Variants in MYZAP observed in about 807,000 individuals in gnomAD.
MYZAP encodes GRINL1A complex locus upstream.
A neutral mutation model predicts 69.4 loss-of-function variants in MYZAP; 66 were observed. That is an observed-to-expected ratio of 0.95 (90% CI 0.78 to 1.17). MYZAP has a LOEUF of 1.17. Ranked by LOEUF, MYZAP falls within the 50% of genes most tolerant of loss-of-function variation. The pLI is 0.00. For missense variants in MYZAP, 611 were observed against 556.2 expected (o/e 1.10, Z -0.99); for synonymous variants, 256 against 205.9 (o/e 1.24, Z -2.09).
At chr15:57,601,746 T>C (rs1325511941) in intron 1 of MYZAP, among the ~76,000 whole-genome samples, 10 of 151,946 alleles carry the variant, frequency 6.6e-5, no homozygotes, top group Admixed American at 6.6e-4. Flanking sequence ...AACCAAGTCA[T>C]GTGATTTAAA....
chr15:57,599,398 A>G (rs1291753396), intron 1 of MYZAP: 1 of 1,071,804 alleles, frequency 9.3e-7, no homozygotes, highest in African/African-American at 1.7e-5. Context: ...GTCCCTAAAA[A>G]TATTTCACAA....
intron 8 of MYZAP, among the ~76,000 whole-genome samples, chr15:57,637,437 G>A (rs1169949047): frequency 1.3e-5 from 2 of 152,166 alleles, no homozygotes; most frequent in African/African-American, 2.4e-5. Flanking sequence ...CACTGATCCT[G>A]GGCTGATGGA....
chr15:57,623,788 A>T (rs1394054276), intron 4 of MYZAP, among the ~76,000 whole-genome samples: 6 of 148,994 alleles, frequency 4.0e-5, no homozygotes, highest in African/African-American at 1.5e-4. Flanking sequence ...AATAGAATAT[A>T]TGCAGTTGTA....
rs2039050975 is a variant in MYZAP, at chr15:57,675,056, A to G, written c.1292A>G (p.Asp431Gly). 1.2e-6 allele frequency: 2 copies of G among 1,611,404 alleles called. No individual in the cohort carries two copies. The highest frequency in any genetic ancestry group is 1.7e-6 in the Non-Finnish European group (2 of 1,178,938). The change falls in exon 12 of 13, where the codon GAT becomes GGT. Residue 431 changes from aspartate (D) to glycine (G), a missense_variant. Asp to Gly is a moderately conservative substitution (Grantham distance 94). Transcript: ENST00000267853. ...VETREIGVGC[D>G]LLPSQTGRTR... is the part of the protein sequence containing the mutation. ...ACCAGAGAGATAGGAGTGGGCTGTG[A>G]TCTTCTACCCAGGTATTTAGGAATT...
chr15:57,657,992 A>G (rs1304326410), intron 10 of MYZAP, among the ~76,000 whole-genome samples: 1 of 152,132 alleles, frequency 6.6e-6, no homozygotes, highest in African/African-American at 2.4e-5. Flanking sequence ...GATGTCTTTA[A>G]CTATTATTAA....
At chr15:57,603,506 C>A (rs7183550) in intron 1 of MYZAP, among the ~76,000 whole-genome samples, 1 of 152,136 alleles carries the variant, frequency 6.6e-6, no homozygotes, top group Non-Finnish European at 1.5e-5. Context: ...ATCCTTACCC[C>A]CTGGTCACCA....
intron 11 of MYZAP, among the ~76,000 whole-genome samples, chr15:57,673,535 C>T (rs72745548): frequency 0.038 from 5,350 of 139,800 alleles, 117 homozygotes; most frequent in Admixed American, 0.054. Flanking sequence ...GATGACTCTC[C>T]GGGAATAAGC....
chr15:57,598,665 T>G (rs1242866630), intron 1 of MYZAP, among the ~76,000 whole-genome samples: 2 of 152,254 alleles, frequency 1.3e-5, no homozygotes, highest in African/African-American at 4.8e-5. Context: ...GAATGACTCC[T>G]CATTGTCTTC....
chr15:57,684,656 G>C lies in MYZAP; in HGVS notation c.*158G>C, dbSNP rs544711011. On this transcript the variant is annotated 3_prime_UTR_variant, in exon 13 of 13. Coordinates refer to ENST00000267853, the MANE Select transcript of MYZAP (RefSeq NM_001018100.5). ...ATCCACTTCTAAGACAGGAAGGAAA[G>C]TGAAGGCAGAGTGAGCAGGTAAGAG... is the stretch of plus-strand genomic sequence containing the variant. 5.0e-5 allele frequency: 30 copies of C among 604,128 alleles called. No homozygotes were observed. The highest frequency in any genetic ancestry group is 3.9e-4 in the African/African-American group (21 of 54,328). The allele number at this position is 604,128 out of a possible 1,614,324, so 37.4% of individuals were successfully genotyped here.
chr15:57,620,780 C>G (rs1366866310), intron 3 of MYZAP, among the ~76,000 whole-genome samples: 2 of 152,068 alleles, frequency 1.3e-5, no homozygotes, highest in Non-Finnish European at 2.9e-5. Context: ...TTAGAGGTTG[C>G]TTTTTGGTTT....
chr15:57,639,390 T>C (rs776898276), intron 9 of MYZAP, 50 bp from the exon 10 acceptor site: 49 of 1,592,850 alleles, frequency 3.1e-5, no homozygotes, highest in Non-Finnish European at 3.8e-5. Context: ...GCTACTGCTG[T>C]TGCTGCTTTG....
intron 10 of MYZAP, among the ~76,000 whole-genome samples, chr15:57,654,181 G>T (rs2037884865): frequency 6.6e-6 from 1 of 151,962 alleles, no homozygotes; most frequent in African/African-American, 2.4e-5. Context: ...CAGCCTAATG[G>T]CCTCCCAATT....
chr15:57,615,706 T>A (rs2035392266), intron 2 of MYZAP, among the ~76,000 whole-genome samples: 1 of 152,214 alleles, frequency 6.6e-6, no homozygotes, highest in Non-Finnish European at 1.5e-5. Flanking sequence ...TGGGGATAAG[T>A]TAATGCCAGC....
chr15:57,656,750 A>G (rs1395434594), intron 10 of MYZAP, among the ~76,000 whole-genome samples: 1 of 152,194 alleles, frequency 6.6e-6, no homozygotes, highest in Non-Finnish European at 1.5e-5. Flanking sequence ...GAACAAGTCA[A>G]TTCAGATCAC....
intron 1 of MYZAP, among the ~76,000 whole-genome samples, chr15:57,598,401 C>A (rs1289190948): frequency 6.6e-6 from 1 of 152,210 alleles, no homozygotes; most frequent in African/African-American, 2.4e-5. Context: ...TATATTCTTA[C>A]TTTGTTTTAG....
At chr15:57,594,020 C>G (rs1176263241) in intron 1 of MYZAP, among the ~76,000 whole-genome samples, 1 of 152,176 alleles carries the variant, frequency 6.6e-6, no homozygotes, top group Non-Finnish European at 1.5e-5. Flanking sequence ...TAACATCAAA[C>G]AAAGTGGTGA....
At chr15:57,599,586 C>T in intron 1 of MYZAP, 1 of 1,287,844 alleles carries the variant, frequency 7.8e-7, no homozygotes, top group South Asian at 1.2e-5. Context: ...CTTTGGGAAC[C>T]CCTGGGAATA....
At chr15:57,624,787 A>T (rs553749899) in intron 4 of MYZAP, among the ~76,000 whole-genome samples, 44 of 152,258 alleles carry the variant, frequency 2.9e-4, no homozygotes, top group African/African-American at 1.1e-3. Context: ...CTATTGAAAC[A>T]CACTGCTGAA....
chr15:57,640,431 T>C (rs1226885819), intron 10 of MYZAP, among the ~76,000 whole-genome samples: 1 of 152,090 alleles, frequency 6.6e-6, no homozygotes, highest in African/African-American at 2.4e-5. Flanking sequence ...AAAAAAAAGG[T>C]TTCAATTTAA....
Sources: gnomAD v4.1 joint callset for allele counts (sites outside exome capture counted in the v4.1 genomes callset) on GRCh38, gnomAD v4.1.1 for gene constraint, MANE v1.5 for transcripts, NCBI Gene and HGNC (gene_info 2026-07-23, HGNC 2026-07-21) for gene names.